Variants in PKHD1 observed in about 807,000 individuals in gnomAD.
PKHD1 encodes fibrocystin.
A neutral mutation model predicts 412.0 loss-of-function variants in PKHD1; 291 were observed. The observed-to-expected ratio is 0.71, with a 90% confidence interval of 0.64 to 0.78. PKHD1 has a LOEUF of 0.78. Ranked by LOEUF, PKHD1 falls within the 30% of genes least tolerant of loss-of-function variation. The pLI is 0.00. For missense variants in PKHD1, 4,825 were observed against 4,950.7 expected (o/e 0.97, Z 0.76); for synonymous variants, 1,777 against 1,821.5 (o/e 0.98, Z 0.62).
chr6:51,814,069 C>T (rs982420878), intron 52 of PKHD1, among the ~76,000 whole-genome samples: 3 of 152,164 alleles, frequency 2.0e-5, no homozygotes, highest in Non-Finnish European at 1.5e-5. Flanking sequence ...ATGTAAAAGC[C>T]CCCTTTAGCA....
intron 8 of PKHD1, among the ~76,000 whole-genome samples, chr6:52,071,887 T>C (rs1027478916): frequency 1.3e-5 from 2 of 152,202 alleles, no homozygotes; most frequent in African/African-American, 4.8e-5. Flanking sequence ...GTATTAGCTA[T>C]GTGTTTTCAA....
chr6:52,065,928 A>C, intron 12 of PKHD1, 48 bp downstream of exon 12: 1 of 913,506 alleles, frequency 1.1e-6, no homozygotes, highest in Non-Finnish European at 1.8e-6. Flanking sequence ...ATAATCTCCT[A>C]GAGCATCTAA....
chr6:51,927,152 C>T (rs1254774218), intron 37 of PKHD1, among the ~76,000 whole-genome samples: 1 of 152,088 alleles, frequency 6.6e-6, no homozygotes, highest in Non-Finnish European at 1.5e-5. Flanking sequence ...TCCTTCCTTC[C>T]CAGTCCTAAA....
intron 35 of PKHD1, among the ~76,000 whole-genome samples, chr6:51,992,540 T>C (rs1263202502): frequency 6.6e-6 from 1 of 152,198 alleles, no homozygotes; most frequent in Non-Finnish European, 1.5e-5. Flanking sequence ...GGCATGGCTC[T>C]CCCAATTTCC....
chr6:52,019,923 G>A (rs1481853200), intron 33 of PKHD1, among the ~76,000 whole-genome samples: 1 of 152,152 alleles, frequency 6.6e-6, no homozygotes, highest in Non-Finnish European at 1.5e-5. Flanking sequence ...CACATTTGTA[G>A]AGCCCCCTGC....
intron 61 of PKHD1, among the ~76,000 whole-genome samples, chr6:51,657,009 G>C (rs1771965638): frequency 6.6e-6 from 1 of 151,700 alleles, no homozygotes; most frequent in Non-Finnish European, 1.5e-5. Context: ...AATGTGTCCA[G>C]TATGGCCTGA....
rs905104338 is a variant in PKHD1 at position 51,659,660 on chromosome 6, T to C, written c.10466A>G (p.Lys3489Arg). The change falls in exon 61 of 67, where the codon AAA becomes AGA. Residue 3489 changes from lysine to arginine, a missense_variant. Coordinates refer to ENST00000371117, the MANE Select transcript of PKHD1 (RefSeq NM_138694.4). The stretch of plus-strand genomic sequence containing the variant: ...AGCCAAGAGAAGCTTGGAGGTACTT[T>C]TGTTCCCCAATAGAAAAAAGCGCAA... ...QVLRFFLLGNKSTSKLLLAVF... is the reference protein window; with the variant it reads ...QVLRFFLLGNRSTSKLLLAVF... 3.7e-6 allele frequency: 6 copies of C among 1,613,654 alleles called. No homozygotes were observed. Among genetic ancestry groups the C allele is most frequent in the Non-Finnish European group, 3.4e-6 (4 of 1,179,858 alleles).
At chr6:52,039,295 A>G (rs1804446398) in intron 27 of PKHD1, among the ~76,000 whole-genome samples, 1 of 151,928 alleles carries the variant, frequency 6.6e-6, no homozygotes, top group Non-Finnish European at 1.5e-5. Context: ...ATCAAATTGT[A>G]ATTCCCAATG....
intron 60 of PKHD1, among the ~76,000 whole-genome samples, chr6:51,702,285 C>G (rs1001276755): frequency 6.2e-5 from 9 of 145,870 alleles, no homozygotes; most frequent in African/African-American, 2.4e-4. Flanking sequence ...TTGCAGTAAC[C>G]TGGATGGAAT....
At chr6:51,724,567 ACTAT>A (rs1220974291) in intron 60 of PKHD1, among the ~76,000 whole-genome samples, 2 of 152,110 alleles carry the variant, frequency 1.3e-5, no homozygotes, top group African/African-American at 2.4e-5. Context: ...CTCTACTATT[ACTAT>A]CTATCTATCT....
Position 51,616,048 on chromosome 6 carries a change from T to G in PKHD1, c.*3033A>C, listed in dbSNP as rs1465781393. ...TCTCAATTTTGAAATCTATAAATAT[T>G]TATAGATGTTCTTTATTTGACAAAT... On this transcript the variant is annotated 3_prime_UTR_variant, in exon 67 of 67. Transcript: ENST00000371117. 2 of 152,064 alleles carry G rather than the reference T, an allele frequency of 1.3e-5. No individual in the cohort carries two copies. Among genetic ancestry groups the G allele is most frequent in the Non-Finnish European group, 2.9e-5 (2 of 68,028 alleles). 9.4% of individuals were successfully genotyped at this position (152,064 alleles called of 1,614,324 possible). A position where few individuals can be genotyped will look rare whatever the true frequency, so the allele number is the denominator to read the frequency against.
intron 65 of PKHD1, among the ~76,000 whole-genome samples, chr6:51,627,726 C>T (rs1581734925): frequency 6.6e-6 from 1 of 152,046 alleles, no homozygotes; most frequent in South Asian, 2.1e-4. Flanking sequence ...GATATCAATA[C>T]CAAAGAATTG....
At chr6:52,022,710 G>A in intron 33 of PKHD1, 91 bp downstream of exon 33, 1 of 1,309,940 alleles carries the variant, frequency 7.6e-7, no homozygotes, top group Non-Finnish European at 1.1e-6. Context: ...TTAGTAGTCA[G>A]TACAGCATTA....
At chr6:51,964,980 C>G (rs1792603209) in intron 35 of PKHD1, among the ~76,000 whole-genome samples, 2 of 151,954 alleles carry the variant, frequency 1.3e-5, no homozygotes, top group African/African-American at 4.8e-5. Context: ...ATTTTTCCCC[C>G]AAATAGCTAA....
intron 60 of PKHD1, 96 bp downstream of exon 60, chr6:51,744,289 C>T: frequency 9.3e-7 from 1 of 1,070,322 alleles, no homozygotes. Flanking sequence ...TTTAGGTCTT[C>T]ACCAGTACAT....
At chr6:51,802,193 C>T (rs1763029492) in intron 52 of PKHD1, among the ~76,000 whole-genome samples, 1 of 146,970 alleles carries the variant, frequency 6.8e-6, no homozygotes, top group African/African-American at 2.7e-5. Context: ...GCCATTTAAA[C>T]CAAGGTCTAT....
intron 55 of PKHD1, among the ~76,000 whole-genome samples, chr6:51,755,551 G>A (rs1786847231): frequency 6.6e-6 from 1 of 152,080 alleles, no homozygotes; most frequent in African/African-American, 2.4e-5. Context: ...AACAATGAGG[G>A]TTGTGTTCAT....
chr6:52,075,561 C>T (rs1811223270), intron 6 of PKHD1, among the ~76,000 whole-genome samples: 1 of 152,178 alleles, frequency 6.6e-6, no homozygotes, highest in Non-Finnish European at 1.5e-5. Flanking sequence ...CAGTTGCAAT[C>T]CCTTCTTTTA....
chr6:52,024,939 C>T lies in PKHD1; in HGVS notation c.4871G>A (p.Arg1624Gln), dbSNP rs190396031. The T allele has an allele frequency of 1.1e-4, 184 of 1,614,156 alleles. 2 individuals are homozygous for T. The African/African-American group carries it at 1.8e-3, about 16-fold the overall frequency. Reference protein sequence around the residue: ...LTVNIGAELIRCIVPTGNGSV... With the variant: ...LTVNIGAELIQCIVPTGNGSV... ...GCCATTCCCTGTGGGAACAATGCAC[C>T]GGATGAGCTCAGCACCGATGTTCAC... The change falls in exon 32 of 67, where the codon CGG (arginine) becomes CAG (glutamine). Residue 1624 changes from arginine to glutamine, a missense_variant. Coordinates refer to ENST00000371117, the MANE Select transcript of PKHD1 (RefSeq NM_138694.4).
Sources: allele counts gnomAD v4.1 joint callset (sites outside exome capture counted in the v4.1 genomes callset), GRCh38; gene constraint gnomAD v4.1.1; transcripts MANE v1.5; gene names NCBI Gene and HGNC (gene_info 2026-07-23, HGNC 2026-07-21).